Variants in NEBL observed in about 807,000 individuals in gnomAD.
NEBL encodes nebulette, also known as LIM and SH3 protein 2.
NEBL carries 122 observed loss-of-function variants against 140.2 expected under a neutral mutation model. The ratio of observed to expected loss-of-function variants is 0.87; its 90% confidence interval spans 0.75 to 1.01. The LOEUF is 1.01. NEBL is among the 50% of genes least tolerant of loss of function. The pLI is 0.00. For missense variants in NEBL, 1,365 were observed against 1,231.3 expected (o/e 1.11, Z -1.62); for synonymous variants, 436 against 398.9 (o/e 1.09, Z -1.11).
chr10:20,810,870 T>C (rs572002934), intron 24 of NEBL, among the ~76,000 whole-genome samples: 1 of 152,328 alleles, frequency 6.6e-6, no homozygotes, highest in Admixed American at 6.5e-5. Context: ...ACTCTTCTCA[T>C]TTAACACCTA....
intron 2 of NEBL, among the ~76,000 whole-genome samples, chr10:21,059,533 G>T (rs559711212): frequency 1.3e-5 from 2 of 152,270 alleles, no homozygotes; most frequent in South Asian, 4.1e-4. Flanking sequence ...AATATACAAC[G>T]TTAACAACCT....
At chr10:20,857,655 G>C (rs1843219055) in intron 9 of NEBL, among the ~76,000 whole-genome samples, 1 of 152,128 alleles carries the variant, frequency 6.6e-6, no homozygotes, top group South Asian at 2.1e-4. Flanking sequence ...CGTAGTGAGA[G>C]TCCTGCAGGA....
chr10:21,176,772 A>G (rs12769573), upstream of NEBL, among the ~76,000 whole-genome samples: 1,851 of 152,300 alleles, frequency 0.012, 12 homozygotes, highest in Middle Eastern at 0.037. Context: ...ACACTCACAG[A>G]TATACAAAAC....
intron 3 of NEBL, among the ~76,000 whole-genome samples, chr10:21,180,175 AT>A (rs1440509463): frequency 1.3e-5 from 2 of 151,976 alleles, no homozygotes; most frequent in East Asian, 3.9e-4. Context: ...AAGGAAACAG[AT>A]TATCTCCCCG....
intron 1 of NEBL, among the ~76,000 whole-genome samples, chr10:21,290,330 A>T (rs749981742): frequency 2.0e-5 from 3 of 152,220 alleles, no homozygotes; most frequent in Non-Finnish European, 4.4e-5. Context: ...TTTGAATTAA[A>T]GGAAATTGGA....
intron 2 of NEBL, chr10:21,146,326 C>A (rs773358273): frequency 1.2e-6 from 2 of 1,602,216 alleles, no homozygotes; most frequent in Admixed American, 1.7e-5. Flanking sequence ...AAACCTGCCC[C>A]CAACACATAC....
intron 3 of NEBL, among the ~76,000 whole-genome samples, chr10:21,224,551 T>C (rs765955582): frequency 3.9e-5 from 6 of 152,194 alleles, no homozygotes; most frequent in Non-Finnish European, 8.8e-5. Context: ...CTGTGATGAA[T>C]GTCAATGGTA....
At chr10:21,008,552 TCAA>T (rs1045935295) in intron 3 of NEBL, among the ~76,000 whole-genome samples, 1 of 152,112 alleles carries the variant, frequency 6.6e-6, no homozygotes, top group Non-Finnish European at 1.5e-5. Context: ...GAAAAAATGC[TCAA>T]CATCACTAAT....
At chr10:20,934,061 ACACTT>A (rs1394670905) in intron 4 of NEBL, among the ~76,000 whole-genome samples, 1 of 152,172 alleles carries the variant, frequency 6.6e-6, no homozygotes, top group Non-Finnish European at 1.5e-5. Flanking sequence ...GCCCCATTTT[ACACTT>A]CAACTTTTTG....
At chr10:21,043,875 T>C (rs1456640562) in intron 2 of NEBL, among the ~76,000 whole-genome samples, 1 of 152,190 alleles carries the variant, frequency 6.6e-6, no homozygotes, top group Non-Finnish European at 1.5e-5. Flanking sequence ...ATTTAAAAAG[T>C]TGCCAATTCA....
chr10:21,140,776 C>T (rs573024313), intron 2 of NEBL, among the ~76,000 whole-genome samples: 1 of 152,012 alleles, frequency 6.6e-6, no homozygotes, highest in South Asian at 2.1e-4. Context: ...GAACATCACA[C>T]ATGGGGGCCT....
At chr10:20,828,488 A>G in intron 17 of NEBL, 42 bp downstream of exon 17, 3 of 1,357,750 alleles carry the variant, frequency 2.2e-6, no homozygotes, top group Non-Finnish European at 3.2e-6. Context: ...TTACAAAACA[A>G]AATTTCAAGG....
At chr10:20,961,608 C>A in intron 4 of NEBL, 2 of 1,206,148 alleles carry the variant, frequency 1.7e-6, no homozygotes, top group Non-Finnish European at 2.5e-6. Flanking sequence ...AGTCATCCAG[C>A]CTCCCTTTCT....
At chr10:21,201,814 T>C (rs145119498) in intron 3 of NEBL, among the ~76,000 whole-genome samples, 1 of 152,300 alleles carries the variant, frequency 6.6e-6, no homozygotes, top group Non-Finnish European at 1.5e-5. Context: ...TTATTATGGA[T>C]GGTTTGGAAA....
intron 3 of NEBL, among the ~76,000 whole-genome samples, chr10:21,236,049 T>A (rs1324428245): frequency 2.0e-5 from 3 of 152,172 alleles, no homozygotes; most frequent in Admixed American, 2.0e-4. Context: ...ACCCCCGTAG[T>A]CTTTATTTAT....
intron 16 of NEBL, 51 bp from the exon 17 acceptor site, chr10:20,828,685 TGTG>T: frequency 8.1e-7 from 1 of 1,235,944 alleles, no homozygotes; most frequent in Non-Finnish European, 1.2e-6. Flanking sequence ...TGTGCGCACA[TGTG>T]AGAGGGAGGG....
chr10:20,872,790 T>A (rs1242883133), intron 5 of NEBL, among the ~76,000 whole-genome samples: 1 of 152,060 alleles, frequency 6.6e-6, no homozygotes, highest in Non-Finnish European at 1.5e-5. Flanking sequence ...CCCACCAGCA[T>A]CAAGACAGTT....
chr10:21,040,316 G>T (rs1335313978), intron 2 of NEBL, among the ~76,000 whole-genome samples: 1 of 149,610 alleles, frequency 6.7e-6, no homozygotes, highest in African/African-American at 2.5e-5. Flanking sequence ...CTCCAGCCTG[G>T]TGACAGAGTA....
chr10:21,026,278 T>G (rs1357410723), intron 2 of NEBL, among the ~76,000 whole-genome samples: 1 of 152,180 alleles, frequency 6.6e-6, no homozygotes, highest in Non-Finnish European at 1.5e-5. Flanking sequence ...AAAATACTAC[T>G]GACATCTCGT....
Sources: gnomAD v4.1 joint callset for allele counts (sites outside exome capture counted in the v4.1 genomes callset) on GRCh38, gnomAD v4.1.1 for gene constraint, MANE v1.5 for transcripts, NCBI Gene and HGNC (gene_info 2026-07-23, HGNC 2026-07-21) for gene names.